PCDHA9: variants seen among roughly 807,000 people sequenced by gnomAD.
PCDHA9 encodes protocadherin alpha 9, also known as protocadherin alpha-9.
In PCDHA9, 62 loss-of-function variants were observed where a neutral mutation model predicts 62.0. The observed-to-expected ratio is 1.00, with a 90% CI of 0.81 to 1.23. The LOEUF is 1.23. PCDHA9 is among the 50% of genes most tolerant of loss of function. PCDHA9 has a pLI of 0.00. For missense variants in PCDHA9, 1,205 were observed against 1,249.8 expected (o/e 0.96, Z 0.54); for synonymous variants, 557 against 567.6 (o/e 0.98, Z 0.27).
At chr5:140,928,874 C>T (rs782794510) in intron 1 of PCDHA9, 1 of 1,614,194 alleles carries the variant, frequency 6.2e-7, no homozygotes, top group Admixed American at 1.7e-5. Context: ...AACTCTGTCC[C>T]TCAGTTACTT....
intron 1 of PCDHA9, among the ~76,000 whole-genome samples, chr5:140,965,602 A>G (rs1319736678): frequency 6.6e-6 from 1 of 152,126 alleles, no homozygotes; most frequent in African/African-American, 2.4e-5. Context: ...AGACTCTTGA[A>G]GACATTGTCA....
At chr5:140,962,171 G>A (rs1218733161) in intron 1 of PCDHA9, among the ~76,000 whole-genome samples, 3 of 151,902 alleles carry the variant, frequency 2.0e-5, no homozygotes, top group Non-Finnish European at 4.4e-5. Context: ...CACCACACCC[G>A]GCCACTTATA....
intron 1 of PCDHA9, chr5:140,966,591 C>A (rs2096024240): frequency 1.7e-6 from 1 of 588,704 alleles, no homozygotes; most frequent in Non-Finnish European, 2.7e-6. Flanking sequence ...GACGGTGGGG[C>A]CAGGAGCCCT....
chr5:140,888,712 A>G (rs567823119), intron 1 of PCDHA9, among the ~76,000 whole-genome samples: 34 of 152,168 alleles, frequency 2.2e-4, no homozygotes, highest in Non-Finnish European at 4.1e-4. Flanking sequence ...GGAATGTGAA[A>G]TATTTCCAGC....
At chr5:140,927,165 T>A in intron 1 of PCDHA9, 1 of 1,614,164 alleles carries the variant, frequency 6.2e-7, no homozygotes, top group Non-Finnish European at 8.5e-7. Context: ...GGGCCAAAGC[T>A]GCCTGCGTCT....
At chr5:140,852,888 T>A in intron 1 of PCDHA9, 1 of 920,092 alleles carries the variant, frequency 1.1e-6, no homozygotes. Context: ...AAAACGTATT[T>A]TTTTTTTTGA....
At chr5:140,889,946 C>T (rs1554184112) in intron 1 of PCDHA9, among the ~76,000 whole-genome samples, 1 of 152,114 alleles carries the variant, frequency 6.6e-6, no homozygotes, top group East Asian at 1.9e-4. Flanking sequence ...TGTGAGAAGC[C>T]AAATGGATAG....
In PCDHA9 at chr5:140,964,167, C is replaced by T. The variant is rs370784169; in HGVS notation, c.2395-14782C>T. Reference sequence around the variant, plus strand: ...AGCCTCAGTATAATGGTGTGAGGAACGAAATCATTATAGTGCCAAATAGAG... The same window carrying T: ...AGCCTCAGTATAATGGTGTGAGGAATGAAATCATTATAGTGCCAAATAGAG... On this transcript the variant is annotated intron_variant, in intron 1 of 3. Coordinates refer to ENST00000532602, the MANE Select transcript of PCDHA9 (RefSeq NM_031857.2). Among the ~76,000 whole-genome samples, 16 of 152,250 alleles carry T rather than the reference C, an allele frequency of 1.1e-4. 1 individual carries two copies. The highest frequency in any genetic ancestry group is 3.4e-4 in the African/African-American group (14 of 41,544).
chr5:140,875,556 C>A (rs781896642), intron 1 of PCDHA9: 2 of 1,614,010 alleles, frequency 1.2e-6, no homozygotes, highest in Non-Finnish European at 1.7e-6. Context: ...AGGTGGGGAG[C>A]GGCCAGCTCC....
intron 1 of PCDHA9, among the ~76,000 whole-genome samples, chr5:140,879,549 A>T (rs1345193552): frequency 2.0e-5 from 3 of 152,246 alleles, no homozygotes; most frequent in Admixed American, 6.5e-5. Context: ...AGAGAAAAAA[A>T]TAATCCATGA....
At chr5:140,936,986 A>G (rs2091244455) in intron 1 of PCDHA9, among the ~76,000 whole-genome samples, 1 of 151,898 alleles carries the variant, frequency 6.6e-6, no homozygotes, top group Non-Finnish European at 1.5e-5. Context: ...GCTTGTTAAC[A>G]TTGACAATAT....
intron 1 of PCDHA9, among the ~76,000 whole-genome samples, chr5:140,931,177 A>G (rs1288307941): frequency 1.3e-5 from 2 of 152,200 alleles, no homozygotes; most frequent in African/African-American, 4.8e-5. Context: ...ATTTTAGGGA[A>G]GGAAATTGGT....
At position 140,906,523 on chromosome 5, in the gene PCDHA9, C is replaced by T. The variant is rs145617697; in HGVS notation, c.2394+55634C>T. Among the ~76,000 whole-genome samples, 1,221 of 152,284 alleles carry T rather than the reference C, an allele frequency of 8.0e-3. 6 individuals are homozygous for T. The highest frequency in any genetic ancestry group is 0.019 in the African/African-American group (786 of 41,540). On this transcript the variant is annotated intron_variant, in intron 1 of 3. Transcript: ENST00000532602. ...TTAACAAAGAAGGAGGAAATACTCA[C>T]GACAATTAAAATCCTCATTTCTGCA...
chr5:140,976,743 C>A (rs782329745), intron 1 of PCDHA9, among the ~76,000 whole-genome samples: 16 of 152,116 alleles, frequency 1.1e-4, no homozygotes, highest in Non-Finnish European at 1.5e-4. Context: ...ATTTTAAAAA[C>A]CTCCCAGATG....
rs1247587764 is a variant in PCDHA9 at position 140,883,158 on chromosome 5, C to T, written c.2394+32269C>T. ...GTGGTATATGCATTTACCATAAATC[C>T]GAACAATGGAGAAATTAGGACAAAA... On this transcript the variant is annotated intron_variant, in intron 1 of 3. Coordinates refer to ENST00000532602, the MANE Select transcript of PCDHA9 (RefSeq NM_031857.2). The T allele has an allele frequency of 1.9e-6, 3 of 1,613,592 alleles. No individual in the cohort carries two copies. In the African/African-American group the frequency reaches 4.0e-5, roughly 22 times the overall value.
chr5:140,928,106 G>GGGA lies in PCDHA9; in HGVS notation c.2395-50841_2395-50839dup, dbSNP rs2084940814. The stretch of plus-strand genomic sequence containing the variant: ...CTGCTGATTGATGGGCCCCTGGACC[G>GGGA]GGAGCAGATCAGTGAATACCAAGTC... On this transcript the variant is annotated intron_variant, in intron 1 of 3. Coordinates refer to ENST00000532602, the MANE Select transcript of PCDHA9 (RefSeq NM_031857.2). The GGGA allele has an allele frequency of 1.9e-6, 3 of 1,614,032 alleles. No individual in the cohort carries two copies. In the South Asian group the frequency reaches 3.3e-5, roughly 18 times the overall value.
At position 140,850,376 on chromosome 5, in the gene PCDHA9, C is replaced by G. The variant is rs2041562813; in HGVS notation, c.1881C>G (p.Tyr627Ter). ...GCATCCCGTTCCGCGTGGGGCTGTA[C>G]ACGGGCGAGATCAGCACAACGCGTG... ...SASIPFRVGL[Y>*]TGEISTTRAL... Residue 627 changes from tyrosine to a stop codon, truncating the protein, a stop_gained, in exon 1 of 4, where the codon TAC (tyrosine) becomes TAG (stop). Coordinates refer to ENST00000532602, the MANE Select transcript of PCDHA9 (RefSeq NM_031857.2). LOFTEE classifies it high-confidence loss of function. The G allele has an allele frequency of 6.3e-7, 1 of 1,597,960 alleles. No individual in the cohort carries two copies. The highest frequency in any genetic ancestry group is 8.6e-7 in the Non-Finnish European group (1 of 1,167,694).
chr5:140,985,018 A>G (rs1384418667), intron 3 of PCDHA9, among the ~76,000 whole-genome samples: 2 of 152,026 alleles, frequency 1.3e-5, no homozygotes, highest in Non-Finnish European at 2.9e-5. Flanking sequence ...GCTCACAGCA[A>G]CCTCTGCCTC....
At chr5:140,974,865 G>A (rs1042029401) in intron 1 of PCDHA9, among the ~76,000 whole-genome samples, 7 of 152,026 alleles carry the variant, frequency 4.6e-5, no homozygotes, top group African/African-American at 1.4e-4. Context: ...GCCTTAATGC[G>A]GAACAGTCTA....
Sources: allele counts gnomAD v4.1 joint callset (sites outside exome capture counted in the v4.1 genomes callset), GRCh38; gene constraint gnomAD v4.1.1; transcripts MANE v1.5; gene names NCBI Gene and HGNC (gene_info 2026-07-23, HGNC 2026-07-21).